The following SPOCK3 variants were observed in gnomAD, a reference collection of about 807,000 sequenced individuals.
SPOCK3 encodes the protein SPARC (osteonectin), cwcv and kazal like domains proteoglycan 3, also known as testican-3.
Under a neutral mutation model 56.6 loss-of-function variants are expected in SPOCK3, and 30 were observed. The observed-to-expected ratio is 0.53, with a 90% CI of 0.40 to 0.72. The LOEUF (loss-of-function observed/expected upper bound fraction) is 0.72, where lower values mean the gene tolerates loss of function less well. Among genes scored for constraint, SPOCK3 ranks in the 30% least tolerant of loss-of-function variants. The probability of loss-of-function intolerance (pLI) is 0.00; values close to 1 mark genes in which losing one functional copy is unlikely to be tolerated. For synonymous variants in SPOCK3, 196 were observed against 183.3 expected (o/e 1.07, Z -0.56); for missense variants, 527 against 530.0 (o/e 0.99, Z 0.06).
chr4:167,034,817 T>C (rs1430001528), intron 3 of SPOCK3, among the ~76,000 whole-genome samples: 1 of 152,162 alleles, frequency 6.6e-6, no homozygotes, highest in Non-Finnish European at 1.5e-5. Flanking sequence ...AATGTACTGT[T>C]CAGGGTGAAA....
intron 3 of SPOCK3, among the ~76,000 whole-genome samples, chr4:167,031,745 T>C (rs1349108402): frequency 1.3e-5 from 2 of 152,004 alleles, no homozygotes; most frequent in Non-Finnish European, 2.9e-5. Context: ...CTCTCTCTGT[T>C]GAAACTCCTT....
chr4:166,878,555 T>G (rs1733359433), intron 6 of SPOCK3, among the ~76,000 whole-genome samples: 1 of 152,098 alleles, frequency 6.6e-6, no homozygotes, highest in Admixed American at 6.6e-5. Context: ...ATCTTTAAAA[T>G]GTATATTTAA....
At chr4:167,159,965 C>T (rs10017339) in intron 2 of SPOCK3, among the ~76,000 whole-genome samples, 27,221 of 151,946 alleles carry the variant, frequency 0.18, 2,618 homozygotes, top group Admixed American at 0.26. Flanking sequence ...GAAGCATTCC[C>T]TTTGAAAACT....
Position 166,901,505 on chromosome 4 carries a change from C to T in SPOCK3, c.474+11115G>A, listed in dbSNP as rs543985413. 9.9e-5 allele frequency among the ~76,000 whole-genome samples: 15 copies of T among 152,176 alleles called. No individual in the cohort carries two copies. In the East Asian group the frequency reaches 1.9e-3, roughly 20 times the overall value. ...ATAAATGTTTCACTAACACATTTTG[C>T]GAAGTGAAGTGATCAATGACAGGAC... On this transcript the variant is annotated intron_variant, in intron 5 of 10. Transcript: ENST00000357545.
At chr4:166,920,254 A>G (rs187474539) in intron 4 of SPOCK3, among the ~76,000 whole-genome samples, 2 of 152,304 alleles carry the variant, frequency 1.3e-5, no homozygotes, top group East Asian at 3.9e-4. Context: ...AAATGACAGC[A>G]TCACTACCTC....
At chr4:167,128,681 C>T (rs922287405) in intron 2 of SPOCK3, among the ~76,000 whole-genome samples, 3 of 152,166 alleles carry the variant, frequency 2.0e-5, no homozygotes, top group African/African-American at 4.8e-5. Context: ...GCAACATTTT[C>T]GTGATACCTG....
intron 2 of SPOCK3, among the ~76,000 whole-genome samples, chr4:167,223,380 T>C (rs1157485558): frequency 6.8e-6 from 1 of 147,388 alleles, no homozygotes; most frequent in Non-Finnish European, 1.5e-5. Flanking sequence ...TATATATTTA[T>C]AGAGGGAGAT....
At chr4:167,077,345 C>A (rs1580218859) in intron 2 of SPOCK3, among the ~76,000 whole-genome samples, 2 of 151,594 alleles carry the variant, frequency 1.3e-5, no homozygotes, top group South Asian at 2.1e-4. Context: ...CACTAATGTT[C>A]TCTCACCCAT....
chr4:166,867,563 T>C (rs1161223735), intron 6 of SPOCK3, among the ~76,000 whole-genome samples: 1 of 151,658 alleles, frequency 6.6e-6, no homozygotes, highest in Non-Finnish European at 1.5e-5. Flanking sequence ...TTTGGAAAAG[T>C]TATTTGGCTA....
chr4:167,116,812 T>C (rs1209115995), intron 2 of SPOCK3, among the ~76,000 whole-genome samples: 2 of 138,558 alleles, frequency 1.4e-5, no homozygotes, highest in African/African-American at 5.2e-5. Flanking sequence ...AATACACATA[T>C]AGATGTATAT....
chr4:167,076,278 A>G (rs1037801676), intron 2 of SPOCK3, among the ~76,000 whole-genome samples: 3 of 151,896 alleles, frequency 2.0e-5, no homozygotes, highest in African/African-American at 7.2e-5. Flanking sequence ...ACAGTGAACC[A>G]TAATGTAAAC....
intron 2 of SPOCK3, among the ~76,000 whole-genome samples, chr4:167,070,221 T>G (rs1246433470): frequency 6.6e-6 from 1 of 151,944 alleles, no homozygotes. Flanking sequence ...AGTCCCACAC[T>G]GAAAGATCCT....
intron 6 of SPOCK3, among the ~76,000 whole-genome samples, chr4:166,835,269 T>C (rs1746493202): frequency 6.6e-6 from 1 of 152,204 alleles, no homozygotes. Context: ...TTAAATATTA[T>C]AATGTTCAAA....
At chr4:166,794,605 C>A (rs1170942791) in intron 6 of SPOCK3, among the ~76,000 whole-genome samples, 5 of 149,910 alleles carry the variant, frequency 3.3e-5, no homozygotes, top group African/African-American at 9.8e-5. Flanking sequence ...CTTGACCCAG[C>A]AATTGTTTCT....
intron 2 of SPOCK3, among the ~76,000 whole-genome samples, chr4:167,195,198 C>A (rs571388190): frequency 6.6e-4 from 100 of 152,232 alleles, no homozygotes; most frequent in Non-Finnish European, 1.1e-3. Context: ...CTTGGGCAGG[C>A]AAGATTGTTC....
intron 2 of SPOCK3, among the ~76,000 whole-genome samples, chr4:167,160,639 T>G (rs947738939): frequency 1.3e-5 from 2 of 152,058 alleles, no homozygotes; most frequent in Non-Finnish European, 2.9e-5. Context: ...GACTTCAAAC[T>G]ATACTACAAG....
intron 3 of SPOCK3, among the ~76,000 whole-genome samples, chr4:167,048,354 A>G (rs186378700): frequency 6.6e-6 from 1 of 152,088 alleles, no homozygotes; most frequent in East Asian, 1.9e-4. Flanking sequence ...TGTGTGATGT[A>G]TTTCAAAAGT....
chr4:167,105,463 T>TAAA (rs552028589), intron 2 of SPOCK3, among the ~76,000 whole-genome samples: 36 of 98,684 alleles, frequency 3.6e-4, no homozygotes, highest in African/African-American at 1.2e-3. Context: ...ACACAAAAAT[T>TAAA]AAAAAAAAAA....
intron 10 of SPOCK3, among the ~76,000 whole-genome samples, chr4:166,737,004 A>T (rs751666718): frequency 3.5e-4 from 53 of 152,128 alleles, no homozygotes; most frequent in Non-Finnish European, 3.4e-4. Flanking sequence ...ATGCTCATAT[A>T]GCTGTAATTT....
Sources: gnomAD v4.1 joint callset for allele counts (sites outside exome capture counted in the v4.1 genomes callset) on GRCh38, gnomAD v4.1.1 for gene constraint, MANE v1.5 for transcripts, NCBI Gene and HGNC (gene_info 2026-07-23, HGNC 2026-07-21) for gene names.